The following KCNB2 variants were observed in gnomAD, a reference collection of about 807,000 sequenced individuals.
The protein encoded by KCNB2 is delayed rectifier potassium channel protein.
In KCNB2, 15 loss-of-function variants were observed where a neutral mutation model predicts 61.5. That is an observed-to-expected ratio of 0.24 (90% confidence interval 0.16 to 0.38). The LOEUF is 0.38. KCNB2 is among the 10% of genes least tolerant of loss of function. The probability of loss-of-function intolerance (pLI) is 1.00; values close to 1 mark genes in which losing one functional copy is unlikely to be tolerated. For synonymous variants in KCNB2, 457 were observed against 446.0 expected (o/e 1.02, Z -0.31); for missense variants, 828 against 1,125.2 (o/e 0.74, Z 3.78).
At chr8:72,712,227 G>T (rs1211332864) in intron 2 of KCNB2, among the ~76,000 whole-genome samples, 3 of 152,186 alleles carry the variant, frequency 2.0e-5, no homozygotes, top group Admixed American at 1.3e-4. Context: ...GAGAGGAAAG[G>T]AAAAGGGAGA....
chr8:72,649,387 T>A (rs963149871), intron 2 of KCNB2, among the ~76,000 whole-genome samples: 2 of 152,100 alleles, frequency 1.3e-5, no homozygotes, highest in Non-Finnish European at 2.9e-5. Flanking sequence ...GCCCTTTGGA[T>A]TTCCCACTGA....
chr8:72,725,575 G>GTGTATGTA (rs1563571999), intron 2 of KCNB2, among the ~76,000 whole-genome samples: 1 of 80,490 alleles, frequency 1.2e-5, no homozygotes, highest in African/African-American at 5.9e-5. Flanking sequence ...GTATATATAT[G>GTGTATGTA]TATATATATA....
At chr8:72,915,802 C>T (rs915965637) in intron 2 of KCNB2, among the ~76,000 whole-genome samples, 2 of 152,010 alleles carry the variant, frequency 1.3e-5, no homozygotes, top group Non-Finnish European at 2.9e-5. Context: ...GCCTGTAGTC[C>T]CAGCTACTCA....
chr8:72,542,475 T>A (rs553924774), intron 1 of KCNB2, among the ~76,000 whole-genome samples: 6 of 152,230 alleles, frequency 3.9e-5, no homozygotes, highest in African/African-American at 1.4e-4. Context: ...AAAGCCCTTT[T>A]AATAACTAAT....
intron 2 of KCNB2, among the ~76,000 whole-genome samples, chr8:72,907,335 G>T (rs868349474): frequency 6.6e-6 from 1 of 151,900 alleles, no homozygotes. Context: ...CCAGCCTAGG[G>T]ACAGAGCAAG....
At chr8:72,658,363 A>G (rs1806325360) in intron 2 of KCNB2, among the ~76,000 whole-genome samples, 1 of 152,218 alleles carries the variant, frequency 6.6e-6, no homozygotes, top group Admixed American at 6.5e-5. Flanking sequence ...ATCCAGAGCG[A>G]GGTCCTAACT....
At chr8:72,764,430 G>T (rs1808431537) in intron 2 of KCNB2, among the ~76,000 whole-genome samples, 1 of 152,138 alleles carries the variant, frequency 6.6e-6, no homozygotes. Flanking sequence ...GGGGTTGGAA[G>T]AGCTGAAAGA....
At chr8:72,913,587 G>C (rs1424172001) in intron 2 of KCNB2, among the ~76,000 whole-genome samples, 1 of 152,150 alleles carries the variant, frequency 6.6e-6, no homozygotes, top group African/African-American at 2.4e-5. Flanking sequence ...CACAGTGTCT[G>C]TTGATTGAAC....
chr8:72,829,711 A>G (rs973027827), intron 2 of KCNB2, among the ~76,000 whole-genome samples: 7 of 152,126 alleles, frequency 4.6e-5, no homozygotes, highest in Non-Finnish European at 8.8e-5. Context: ...TCTTTTTACC[A>G]TGGTACATTC....
At chr8:72,925,187 C>T (rs908253952) in intron 2 of KCNB2, among the ~76,000 whole-genome samples, 10 of 152,024 alleles carry the variant, frequency 6.6e-5, no homozygotes, top group Admixed American at 2.0e-4. Context: ...GGAATAAATC[C>T]CTGCAATTCT....
chr8:72,806,873 A>C (rs1245079038), intron 2 of KCNB2, among the ~76,000 whole-genome samples: 1 of 152,168 alleles, frequency 6.6e-6, no homozygotes, highest in Non-Finnish European at 1.5e-5. Context: ...TCTGAAGGAA[A>C]TAAGTGAGTG....
intron 2 of KCNB2, among the ~76,000 whole-genome samples, chr8:72,766,990 G>A (rs1415319454): frequency 6.6e-6 from 1 of 152,140 alleles, no homozygotes; most frequent in Non-Finnish European, 1.5e-5. Flanking sequence ...GAAAAAAAAT[G>A]AGGAAGAAGC....
intron 2 of KCNB2, among the ~76,000 whole-genome samples, chr8:72,658,635 AGAG>A (rs1164115524): frequency 6.6e-6 from 1 of 152,156 alleles, no homozygotes; most frequent in Non-Finnish European, 1.5e-5. Flanking sequence ...TGATAATTAG[AGAG>A]GAGAAGTCAA....
chr8:72,824,703 C>T (rs1368462774), intron 2 of KCNB2, among the ~76,000 whole-genome samples: 1 of 152,134 alleles, frequency 6.6e-6, no homozygotes, highest in East Asian at 1.9e-4. Flanking sequence ...GTCCCAGTTG[C>T]AGAGACAAAG....
chr8:72,758,437 C>T, intron 2 of KCNB2, among the ~76,000 whole-genome samples: 1 of 152,162 alleles, frequency 6.6e-6, no homozygotes, highest in East Asian at 1.9e-4. Context: ...GCCGAACAGG[C>T]TCAAAACAAA....
intron 2 of KCNB2, among the ~76,000 whole-genome samples, chr8:72,917,034 A>G (rs900609717): frequency 3.3e-5 from 5 of 152,194 alleles, no homozygotes; most frequent in African/African-American, 1.2e-4. Flanking sequence ...GGGCCACAGT[A>G]TCAGGCTTTT....
intron 2 of KCNB2, among the ~76,000 whole-genome samples, chr8:72,573,266 T>C (rs1237462904): frequency 6.6e-6 from 1 of 152,218 alleles, no homozygotes; most frequent in Non-Finnish European, 1.5e-5. Context: ...ATTCTAATGC[T>C]TTGAATGAAA....
chr8:72,596,005 A>G (rs1264161909), intron 2 of KCNB2, among the ~76,000 whole-genome samples: 1 of 152,148 alleles, frequency 6.6e-6, no homozygotes, highest in East Asian at 1.9e-4. Flanking sequence ...AGAACAAGCA[A>G]TATGTCTACC....
intron 2 of KCNB2, among the ~76,000 whole-genome samples, chr8:72,594,916 G>A (rs1355559173): frequency 6.6e-6 from 1 of 152,132 alleles, no homozygotes; most frequent in East Asian, 1.9e-4. Context: ...ATTAGCCAAA[G>A]GTGATGGTTA....
Sources: allele counts gnomAD v4.1 joint callset (sites outside exome capture counted in the v4.1 genomes callset), GRCh38; gene constraint gnomAD v4.1.1; transcripts MANE v1.5; gene names NCBI Gene and HGNC (gene_info 2026-07-23, HGNC 2026-07-21).